The following C10orf88 variants were observed in gnomAD, a reference collection of about 807,000 sequenced individuals.
C10orf88 encodes the protein chromosome 10 open reading frame 88.
In C10orf88, 29 loss-of-function variants were observed where a neutral mutation model predicts 34.2. The ratio of observed to expected loss-of-function variants is 0.85; its 90% CI spans 0.63 to 1.16. The LOEUF (loss-of-function observed/expected upper bound fraction) is 1.16. C10orf88 is among the 50% of genes most tolerant of loss of function. The pLI is 0.00. For synonymous variants in C10orf88, 194 were observed against 197.4 expected (o/e 0.98, Z 0.15); for missense variants, 507 against 533.2 (o/e 0.95, Z 0.48).
At chr10:122,938,707 T>C (rs534413909) in intron 4 of C10orf88, among the ~76,000 whole-genome samples, 9 of 152,120 alleles carry the variant, frequency 5.9e-5, no homozygotes, top group Admixed American at 1.3e-4. Flanking sequence ...ATGGGTACAT[T>C]TGTGACATTT....
chr10:122,940,433 T>C (rs559380840), intron 4 of C10orf88, among the ~76,000 whole-genome samples: 1 of 152,098 alleles, frequency 6.6e-6, no homozygotes, highest in South Asian at 2.1e-4. Flanking sequence ...TGCTATTCAA[T>C]AGGTATAAAG....
chr10:122,948,847 G>A lies in C10orf88; in HGVS notation c.450C>T (p.Ser150=). ...TGAACACACACTGCCTTTCGCCAAAGGAGAGCAACTATTATAAAACAAAAG... is the reference window on the plus strand; with the variant it reads ...TGAACACACACTGCCTTTCGCCAAAAGAGAGCAACTATTATAAAACAAAAG... ...STHACKIKLL[S]FGERQCVFIS... is the part of the protein sequence containing the mutation. The change falls in exon 4 of 6, where the codon TCC becomes TCT. Residue 150 remains serine, a synonymous_variant. Coordinates refer to ENST00000481909, the MANE Select transcript of C10orf88 (RefSeq NM_024942.4). The A allele has an allele frequency of 6.2e-7, 1 of 1,610,078 alleles. No individual in the cohort carries two copies. Among genetic ancestry groups the A allele is most frequent in the Non-Finnish European group, 8.5e-7 (1 of 1,179,378 alleles).
chr10:122,934,963 T>G (rs1175725576), intron 5 of C10orf88, among the ~76,000 whole-genome samples: 1 of 152,128 alleles, frequency 6.6e-6, no homozygotes, highest in Non-Finnish European at 1.5e-5. Flanking sequence ...TCCTGTCTGT[T>G]GAAATGACTA....
Position 122,937,968 on chromosome 10 carries a change from T to C in C10orf88, c.840A>G (p.Thr280=), listed in dbSNP as rs1187421977. The C allele has an allele frequency of 6.2e-7, 1 of 1,613,486 alleles. No individual in the cohort carries two copies. Among genetic ancestry groups the C allele is most frequent in the Admixed American group, 1.7e-5 (1 of 59,930 alleles). The change falls in exon 5 of 6, where the codon ACA becomes ACG. Residue 280 remains threonine (T), a synonymous_variant. Coordinates refer to ENST00000481909, the MANE Select transcript of C10orf88 (RefSeq NM_024942.4). ...ENLQTYIDKS[T]QLPGGENSTK... is the part of the protein sequence containing the mutation. ...TAGAATTCTCTCCACCAGGCAGTTGTGTACTTTTATCAATGTAAGTTTGTA... is the reference window on the plus strand; with the variant it reads ...TAGAATTCTCTCCACCAGGCAGTTGCGTACTTTTATCAATGTAAGTTTGTA...
At chr10:122,951,868 T>TCCA in intron 3 of C10orf88, 86 bp downstream of exon 3, 1 of 822,170 alleles carries the variant, frequency 1.2e-6, no homozygotes, top group Non-Finnish European at 2.0e-6. Context: ...GTTGGACTAA[T>TCCA]TGTATTACTA....
At chr10:122,943,990 A>G (rs1270056777) in intron 4 of C10orf88, among the ~76,000 whole-genome samples, 1 of 151,832 alleles carries the variant, frequency 6.6e-6, no homozygotes, top group African/African-American at 2.4e-5. Flanking sequence ...ATCTAGAACT[A>G]GAAATACCAT....
At chr10:122,946,892 A>G (rs1245455347) in intron 4 of C10orf88, among the ~76,000 whole-genome samples, 1 of 152,154 alleles carries the variant, frequency 6.6e-6, no homozygotes, top group East Asian at 1.9e-4. Context: ...CGGAATACAC[A>G]TATCAGAATG....
At chr10:122,945,293 T>C (rs1458180296) in intron 4 of C10orf88, among the ~76,000 whole-genome samples, 1 of 152,206 alleles carries the variant, frequency 6.6e-6, no homozygotes, top group Non-Finnish European at 1.5e-5. Context: ...CATATAAAAG[T>C]ATAGCATGTA....
At chr10:122,934,612 C>G (rs1003050278) in intron 5 of C10orf88, among the ~76,000 whole-genome samples, 3 of 152,074 alleles carry the variant, frequency 2.0e-5, no homozygotes, top group African/African-American at 7.2e-5. Context: ...ACAAAGAAAG[C>G]TTTTATTAAT....
intron 4 of C10orf88, among the ~76,000 whole-genome samples, chr10:122,944,475 T>C (rs1344530366): frequency 6.6e-6 from 1 of 151,976 alleles, no homozygotes; most frequent in Non-Finnish European, 1.5e-5. Context: ...TGTATACATA[T>C]GTAACAAACC....
In C10orf88 at chr10:122,946,946, G is replaced by A. The variant is rs140175781; in HGVS notation, c.648+1703C>T. Reference sequence around the variant, plus strand: ...AGGAAACATGGCAGGAGATGAGGTTGAGAAGGCAAGCAGGGCCTACATTTT... The same window carrying A: ...AGGAAACATGGCAGGAGATGAGGTTAAGAAGGCAAGCAGGGCCTACATTTT... On this transcript the variant is annotated intron_variant, in intron 4 of 5. Coordinates refer to ENST00000481909, the MANE Select transcript of C10orf88 (RefSeq NM_024942.4). Among the ~76,000 whole-genome samples the A allele has an allele frequency of 1.3e-3, 204 of 152,212 alleles. 1 individual carries two copies. Among genetic ancestry groups the A allele is most frequent in the African/African-American group, 4.5e-3 (188 of 41,528 alleles).
intron 4 of C10orf88, among the ~76,000 whole-genome samples, chr10:122,946,697 C>T (rs1051302252): frequency 2.0e-5 from 3 of 151,896 alleles, no homozygotes; most frequent in East Asian, 1.9e-4. Context: ...GAAACTGATA[C>T]GGATTTGGAG....
intron 4 of C10orf88, among the ~76,000 whole-genome samples, chr10:122,947,115 A>G (rs1173404858): frequency 6.6e-6 from 1 of 152,182 alleles, no homozygotes; most frequent in East Asian, 1.9e-4. Flanking sequence ...GTAGCAGGAC[A>G]GGTGGGCCAG....
At chr10:122,940,936 T>C (rs1848575418) in intron 4 of C10orf88, among the ~76,000 whole-genome samples, 1 of 152,094 alleles carries the variant, frequency 6.6e-6, no homozygotes, top group South Asian at 2.1e-4. Context: ...TGTGTATATG[T>C]ATAACTACAT....
chr10:122,943,852 A>T (rs1848609174), intron 4 of C10orf88, among the ~76,000 whole-genome samples: 1 of 152,212 alleles, frequency 6.6e-6, no homozygotes, highest in African/African-American at 2.4e-5. Flanking sequence ...TTAGAATGGC[A>T]ATCATTAAAA....
intron 3 of C10orf88, among the ~76,000 whole-genome samples, chr10:122,950,307 A>AT (rs1290507277): frequency 3.3e-5 from 5 of 152,144 alleles, no homozygotes; most frequent in Admixed American, 6.5e-5. Context: ...ATAAGTAACC[A>AT]TTTTTTTATT....
intron 4 of C10orf88, 132 bp downstream of exon 4, chr10:122,948,517 A>C (rs1442982599): frequency 3.7e-6 from 3 of 809,780 alleles, no homozygotes; most frequent in African/African-American, 3.5e-5. Context: ...AACAAATGTT[A>C]ACTTCTACAA....
At chr10:122,945,410 TTA>T (rs1301233605) in intron 4 of C10orf88, among the ~76,000 whole-genome samples, 1 of 152,184 alleles carries the variant, frequency 6.6e-6, no homozygotes, top group Non-Finnish European at 1.5e-5. Context: ...TTCCTTCTGC[TTA>T]TATGTTTTAA....
chr10:122,948,319 C>T (rs1848658087), intron 4 of C10orf88, among the ~76,000 whole-genome samples: 1 of 152,084 alleles, frequency 6.6e-6, no homozygotes, highest in African/African-American at 2.4e-5. Flanking sequence ...TTTCATCATT[C>T]CCCACTTACA....
Sources: allele counts gnomAD v4.1 joint callset (sites outside exome capture counted in the v4.1 genomes callset), GRCh38; gene constraint gnomAD v4.1.1; transcripts MANE v1.5; gene names NCBI Gene and HGNC (gene_info 2026-07-23, HGNC 2026-07-21).